Variants in FSHR observed in about 807,000 individuals in gnomAD.
FSHR encodes follicle-stimulating hormone receptor.
FSHR carries 46 observed loss-of-function variants against 52.1 expected under a neutral mutation model. That is an observed-to-expected ratio of 0.88 (90% CI 0.70 to 1.13). The LOEUF (loss-of-function observed/expected upper bound fraction) is 1.13. FSHR is among the 50% of genes most tolerant of loss of function. FSHR has a pLI of 0.00. For missense variants in FSHR, 964 were observed against 834.6 expected, an observed-to-expected ratio of 1.16 and a Z score of -1.91; for synonymous variants, 399 against 309.6, an observed-to-expected ratio of 1.29 and a Z score of -3.03.
At chr2:49,072,893 C>G (rs6737762) in intron 1 of FSHR, among the ~76,000 whole-genome samples, 5,890 of 152,166 alleles carry the variant, frequency 0.039, 363 homozygotes, top group African/African-American at 0.13. Context: ...ATTGTAAACT[C>G]TGCTTATTAT....
intron 1 of FSHR, among the ~76,000 whole-genome samples, chr2:49,078,949 T>C (rs1269607224): frequency 6.6e-6 from 1 of 152,126 alleles, no homozygotes; most frequent in Non-Finnish European, 1.5e-5. Flanking sequence ...TCAGAATTAC[T>C]GATGAAAAAC....
intron 2 of FSHR, among the ~76,000 whole-genome samples, chr2:49,043,465 G>T (rs1466026285): frequency 6.6e-6 from 1 of 152,128 alleles, no homozygotes; most frequent in Non-Finnish European, 1.5e-5. Context: ...ACATTTCTCT[G>T]GTTCCCATGA....
rs576132896 is a variant in FSHR, at chr2:49,011,291, C to G, written c.374+6198G>C. Among the ~76,000 whole-genome samples the G allele has an allele frequency of 2.1e-4, 32 of 152,118 alleles. 1 individual carries two copies. Among genetic ancestry groups the G allele is most frequent in the South Asian group, 4.2e-4 (2 of 4,808 alleles). ...CTGCCTTCATTTCATTATGTACCCA[C>G]TAGTCATTCAGGAGCAGGTTGTTCA... On this transcript the variant is annotated intron_variant, in intron 4 of 9. Transcript: ENST00000406846.
At chr2:49,145,666 G>T (rs1239289008) in intron 1 of FSHR, among the ~76,000 whole-genome samples, 3 of 152,102 alleles carry the variant, frequency 2.0e-5, no homozygotes, top group Non-Finnish European at 4.4e-5. Flanking sequence ...ATAGTTGCAA[G>T]TAAGAGCAAG....
intron 9 of FSHR, among the ~76,000 whole-genome samples, chr2:48,966,133 A>G (rs1236555863): frequency 6.6e-6 from 1 of 152,188 alleles, no homozygotes; most frequent in Non-Finnish European, 1.5e-5. Context: ...TGATATTACC[A>G]TTGTGGGAAT....
At chr2:49,094,001 T>A (rs1036772410) in intron 1 of FSHR, among the ~76,000 whole-genome samples, 1 of 152,202 alleles carries the variant, frequency 6.6e-6, no homozygotes, top group African/African-American at 2.4e-5. Flanking sequence ...ACATAATTAT[T>A]AATATCTTTA....
intron 5 of FSHR, 39 bp from the exon 6 acceptor site, chr2:48,989,093 C>G (rs746722248): frequency 6.6e-7 from 1 of 1,523,398 alleles, no homozygotes; most frequent in African/African-American, 1.4e-5. Flanking sequence ...CTTACATCAG[C>G]TCTACTCATG....
intron 1 of FSHR, among the ~76,000 whole-genome samples, chr2:49,131,531 C>T (rs920132903): frequency 2.0e-5 from 3 of 152,066 alleles, no homozygotes; most frequent in South Asian, 2.1e-4. Flanking sequence ...TTTGAGAAGC[C>T]GTTTATTTTA....
chr2:49,023,876 G>T (rs904335382), intron 2 of FSHR, among the ~76,000 whole-genome samples: 1 of 152,232 alleles, frequency 6.6e-6, no homozygotes, highest in Non-Finnish European at 1.5e-5. Context: ...CATTCTCTCT[G>T]GTGTGGGTTT....
At chr2:49,104,923 T>C (rs1269578750) in intron 1 of FSHR, among the ~76,000 whole-genome samples, 2 of 152,150 alleles carry the variant, frequency 1.3e-5, no homozygotes, top group East Asian at 3.9e-4. Context: ...TAAAAACTTT[T>C]GAGGGCATGT....
intron 2 of FSHR, among the ~76,000 whole-genome samples, chr2:49,058,751 A>G (rs1262728245): frequency 6.6e-6 from 1 of 152,164 alleles, no homozygotes; most frequent in African/African-American, 2.4e-5. Flanking sequence ...ACTCAAGTGG[A>G]AAAAGGCCTC....
intron 5 of FSHR, among the ~76,000 whole-genome samples, chr2:48,989,748 C>T (rs1258411292): frequency 1.3e-5 from 2 of 152,102 alleles, no homozygotes; most frequent in Admixed American, 6.6e-5. Flanking sequence ...CTCCTTGGGT[C>T]TCAGAATGGC....
chr2:49,143,226 A>G (rs1672752524), intron 1 of FSHR, among the ~76,000 whole-genome samples: 1 of 152,138 alleles, frequency 6.6e-6, no homozygotes, highest in Admixed American at 6.6e-5. Context: ...TGCCTGAGCT[A>G]TAGGAGGAAA....
At chr2:49,005,593 G>A (rs548468635) in intron 4 of FSHR, among the ~76,000 whole-genome samples, 1 of 152,180 alleles carries the variant, frequency 6.6e-6, no homozygotes, top group East Asian at 1.9e-4. Flanking sequence ...AGGTACTGGG[G>A]GAAGAGAGGG....
intron 1 of FSHR, among the ~76,000 whole-genome samples, chr2:49,073,205 C>G (rs981517709): frequency 6.6e-6 from 1 of 151,950 alleles, no homozygotes; most frequent in Non-Finnish European, 1.5e-5. Flanking sequence ...GAAGCTCTAG[C>G]CAGAGCAATT....
intron 4 of FSHR, among the ~76,000 whole-genome samples, chr2:48,998,313 G>A (rs1676115635): frequency 6.6e-6 from 1 of 151,932 alleles, no homozygotes; most frequent in East Asian, 1.9e-4. Flanking sequence ...TCTGTGCTAT[G>A]GATAAAGCAT....
chr2:48,998,611 A>T (rs1321230228), intron 4 of FSHR, among the ~76,000 whole-genome samples: 1 of 152,034 alleles, frequency 6.6e-6, no homozygotes, highest in East Asian at 1.9e-4. Context: ...TTACAACAGT[A>T]TTTGCATAAA....
intron 1 of FSHR, among the ~76,000 whole-genome samples, chr2:49,115,802 A>G (rs1461993326): frequency 6.6e-6 from 1 of 152,188 alleles, no homozygotes; most frequent in Non-Finnish European, 1.5e-5. Context: ...GCTGGAGCTA[A>G]AATGATGAAT....
chr2:49,061,161 A>C (rs1345017760), intron 2 of FSHR, among the ~76,000 whole-genome samples: 1 of 152,070 alleles, frequency 6.6e-6, no homozygotes, highest in Non-Finnish European at 1.5e-5. Context: ...TCTTGGCTTC[A>C]TGGGAAACCT....
Sources: allele counts gnomAD v4.1 joint callset (sites outside exome capture counted in the v4.1 genomes callset), GRCh38; gene constraint gnomAD v4.1.1; transcripts MANE v1.5; gene names NCBI Gene and HGNC (gene_info 2026-07-23, HGNC 2026-07-21).